The following LOXL2 variants were observed in gnomAD, a reference collection of about 807,000 sequenced individuals.
LOXL2 encodes lysyl oxidase like 2, also known as lysyl oxidase homolog 2.
A neutral mutation model predicts 93.0 loss-of-function variants in LOXL2; 70 were observed. The ratio of observed to expected loss-of-function variants is 0.75; its 90% CI spans 0.62 to 0.92. The LOEUF (loss-of-function observed/expected upper bound fraction) is 0.92, where lower values mean the gene tolerates loss of function less well. Among genes scored for constraint, LOXL2 ranks in the 40% least tolerant of loss-of-function variants. The pLI is 0.00. For synonymous variants in LOXL2, 438 were observed against 413.2 expected (o/e 1.06, Z -0.73); for missense variants, 973 against 1,054.9 (o/e 0.92, Z 1.08).
At chr8:23,301,969 TGG>T in intron 12 of LOXL2, 56 bp downstream of exon 12, 2 of 1,593,912 alleles carry the variant, frequency 1.3e-6, no homozygotes, top group South Asian at 2.2e-5. Context: ...AAGGAGCCTG[TGG>T]AGGTGGCCTC....
intron 12 of LOXL2, among the ~76,000 whole-genome samples, chr8:23,300,555 C>G (rs1288831444): frequency 6.6e-6 from 1 of 152,174 alleles, no homozygotes; most frequent in Admixed American, 6.5e-5. Flanking sequence ...CTTGTGGCAC[C>G]TAAAGAAGCT....
At chr8:23,383,809 CG>C (rs1247108726) in intron 1 of LOXL2, among the ~76,000 whole-genome samples, 1 of 151,468 alleles carries the variant, frequency 6.6e-6, no homozygotes, top group African/African-American at 2.4e-5. Context: ...TACAGGCGCC[CG>C]CCACCACGCC....
intron 1 of LOXL2, among the ~76,000 whole-genome samples, chr8:23,369,833 G>A (rs1804469012): frequency 6.6e-6 from 1 of 152,086 alleles, no homozygotes. Flanking sequence ...CTAGTAGTGT[G>A]GCTCTGAAGG....
intron 1 of LOXL2, among the ~76,000 whole-genome samples, chr8:23,378,099 A>C (rs1226551992): frequency 6.6e-6 from 1 of 152,180 alleles, no homozygotes; most frequent in Non-Finnish European, 1.5e-5. Context: ...TTCCATGTTT[A>C]GTGCTTCCTT....
chr8:23,351,753 C>T (rs1051649799), intron 3 of LOXL2, among the ~76,000 whole-genome samples: 1 of 152,176 alleles, frequency 6.6e-6, no homozygotes, highest in African/African-American at 2.4e-5. Context: ...GAACTACTTG[C>T]TTTGTGTGTC....
rs1254144319 is a variant in LOXL2, at chr8:23,314,288, A to G, written c.1636+2661T>C. On this transcript the variant is annotated intron_variant, in intron 9 of 13. Coordinates refer to ENST00000389131, the MANE Select transcript of LOXL2 (RefSeq NM_002318.3). Reference sequence around the variant, plus strand: ...TACCATTTGACCCAGCCATCCCATTACTGGGTATATACCCAAAGGACTATA... The same window carrying G: ...TACCATTTGACCCAGCCATCCCATTGCTGGGTATATACCCAAAGGACTATA... 5.7e-4 allele frequency among the ~76,000 whole-genome samples: 82 copies of G among 143,066 alleles called. No individual in the cohort carries two copies. The East Asian group carries it at 0.015, about 26-fold the overall frequency. The allele number at this position is 143,066 out of a possible 152,430, so 93.9% of individuals were successfully genotyped here.
chr8:23,388,268 C>G (rs1804792456), intron 1 of LOXL2, among the ~76,000 whole-genome samples: 1 of 152,040 alleles, frequency 6.6e-6, no homozygotes, highest in South Asian at 2.1e-4. Flanking sequence ...CCTTCTGGAT[C>G]CCGCACCTTG....
chr8:23,331,186 G>A (rs1563192398), intron 5 of LOXL2, among the ~76,000 whole-genome samples: 1 of 152,120 alleles, frequency 6.6e-6, no homozygotes, highest in South Asian at 2.1e-4. Context: ...AGGGGAGACC[G>A]GGGAGGGGAG....
intron 7 of LOXL2, among the ~76,000 whole-genome samples, chr8:23,320,939 G>T (rs1251854368): frequency 3.9e-5 from 6 of 152,130 alleles, no homozygotes; most frequent in African/African-American, 1.4e-4. Context: ...AGGAGGAAGG[G>T]TGGGCTTGGC....
chr8:23,386,568 C>G (rs1310170301), intron 1 of LOXL2, among the ~76,000 whole-genome samples: 1 of 152,134 alleles, frequency 6.6e-6, no homozygotes, highest in Non-Finnish European at 1.5e-5. Context: ...GCTCAGAGAT[C>G]TTAATTTCAC....
chr8:23,303,183 C>G, intron 11 of LOXL2, 99 bp downstream of exon 11: 1 of 777,714 alleles, frequency 1.3e-6, no homozygotes, highest in Non-Finnish European at 2.3e-6. Context: ...CAGAGTGACA[C>G]AGGGTCAGTG....
intron 1 of LOXL2, among the ~76,000 whole-genome samples, chr8:23,388,727 TA>T (rs1190440384): frequency 6.6e-6 from 1 of 151,254 alleles, no homozygotes; most frequent in African/African-American, 2.4e-5. Context: ...CTTAATTATC[TA>T]AATAAAAAGG....
chr8:23,376,239 G>A (rs146895171), intron 1 of LOXL2, among the ~76,000 whole-genome samples: 3,609 of 152,210 alleles, frequency 0.024, 134 homozygotes, highest in African/African-American at 0.082. Context: ...GCTGGATTAC[G>A]TTTACTGATT....
In LOXL2 at chr8:23,301,925, C is replaced by T. The variant is rs1402056509; in HGVS notation, c.2133+102G>A. 1.7e-5 allele frequency: 25 copies of T among 1,453,402 alleles called. 1 individual carries two copies. The East Asian group carries it at 5.7e-4, about 33-fold the overall frequency. The allele number at this position is 1,453,402 out of a possible 1,614,324, so 90.0% of individuals were successfully genotyped here. A position where few individuals can be genotyped will look rare whatever the true frequency, so the allele number is the denominator to read the frequency against. ...GGTAGCACCTTGCCCTTTAGACAGC[C>T]TGACTTCCATGCCCCTGTGTGGACA... On this transcript the variant is annotated intron_variant, in intron 12 of 13. Coordinates refer to ENST00000389131, the MANE Select transcript of LOXL2 (RefSeq NM_002318.3).
At chr8:23,322,047 C>T in intron 7 of LOXL2, 83 bp downstream of exon 7, 1 of 1,473,354 alleles carries the variant, frequency 6.8e-7, no homozygotes, top group South Asian at 1.2e-5. Flanking sequence ...CACCTGGTCA[C>T]TTCCAGGGTT....
rs1469792930 is a variant in LOXL2, at chr8:23,401,210, C to T, written c.-84+2744G>A. Among the ~76,000 whole-genome samples the T allele has an allele frequency of 3.3e-5, 5 of 152,252 alleles. No homozygotes were observed. The East Asian group carries it at 5.8e-4, about 18-fold the overall frequency. On this transcript the variant is annotated intron_variant, in intron 1 of 13. Coordinates refer to ENST00000389131, the MANE Select transcript of LOXL2 (RefSeq NM_002318.3). ...TACTCACCTAACTCTTTAGTGGGACCTTGTAAGAATCAAATGACATAGTGG... is the reference window on the plus strand; with the variant it reads ...TACTCACCTAACTCTTTAGTGGGACTTTGTAAGAATCAAATGACATAGTGG...
At chr8:23,306,704 C>T (rs1803234675) in intron 10 of LOXL2, among the ~76,000 whole-genome samples, 1 of 152,260 alleles carries the variant, frequency 6.6e-6, no homozygotes, top group Admixed American at 6.5e-5. Flanking sequence ...AGCCCACACG[C>T]CCTGCTTCTC....
intron 9 of LOXL2, among the ~76,000 whole-genome samples, chr8:23,311,003 A>G (rs994118666): frequency 6.6e-6 from 1 of 152,206 alleles, no homozygotes; most frequent in African/African-American, 2.4e-5. Flanking sequence ...TGATCACAAG[A>G]TCCTGCCATC....
chr8:23,317,263 T>C (rs1803418235), intron 8 of LOXL2, 149 bp from the exon 9 acceptor site: 3 of 823,010 alleles, frequency 3.6e-6, no homozygotes, highest in Non-Finnish European at 4.0e-6. Context: ...CTATCCAAGC[T>C]GTGCAGTTAG....
Sources: gnomAD v4.1 joint callset for allele counts (sites outside exome capture counted in the v4.1 genomes callset) on GRCh38, gnomAD v4.1.1 for gene constraint, MANE v1.5 for transcripts, NCBI Gene and HGNC (gene_info 2026-07-23, HGNC 2026-07-21) for gene names.